The following SLCO3A1 variants were observed in gnomAD, a reference collection of about 807,000 sequenced individuals.
SLCO3A1 encodes solute carrier organic anion transporter family member 3A1.
SLCO3A1 carries 27 observed loss-of-function variants against 63.1 expected under a neutral mutation model. The ratio of observed to expected loss-of-function variants is 0.43; its 90% confidence interval spans 0.32 to 0.59. The LOEUF (loss-of-function observed/expected upper bound fraction) is 0.59. SLCO3A1 is among the 20% of genes least tolerant of loss of function. SLCO3A1 has a pLI of 0.09. For missense variants in SLCO3A1, 773 were observed against 945.8 expected, an observed-to-expected ratio of 0.82 and a Z score of 2.40; for synonymous variants, 473 against 409.9, an observed-to-expected ratio of 1.15 and a Z score of -1.86.
At chr15:92,167,469 T>C (rs1239370194), downstream of SLCO3A1, among the ~76,000 whole-genome samples, 1 of 152,192 alleles carries the variant, frequency 6.6e-6, no homozygotes, top group Non-Finnish European at 1.5e-5. Context: ...ATTTATCCAT[T>C]TTCTAACCTT....
intron 2 of SLCO3A1, among the ~76,000 whole-genome samples, chr15:91,971,692 T>G (rs1165609122): frequency 6.6e-6 from 1 of 152,112 alleles, no homozygotes; most frequent in Non-Finnish European, 1.5e-5. Flanking sequence ...AGATATACAT[T>G]AAATAAGGTT....
At chr15:91,996,405 T>A (rs549800863) in intron 2 of SLCO3A1, among the ~76,000 whole-genome samples, 3 of 150,332 alleles carry the variant, frequency 2.0e-5, no homozygotes, top group Non-Finnish European at 3.0e-5. Context: ...ATCATAAACA[T>A]TTTTTTTTGC....
At chr15:92,161,709 CAGA>C (rs2048438935) in intron 9 of SLCO3A1, 1 of 152,254 alleles carries the variant, frequency 6.6e-6, no homozygotes, top group South Asian at 2.1e-4. Context: ...AAGCCTCAAA[CAGA>C]AGAACACCAC....
chr15:91,867,029 A>G (rs34252225), intron 1 of SLCO3A1, among the ~76,000 whole-genome samples: 28,310 of 152,046 alleles, frequency 0.19, 3,119 homozygotes, highest in Non-Finnish European at 0.25. Flanking sequence ...TGTGATTGGA[A>G]ACCTGGGATG....
At chr15:91,907,902 C>G (rs1249895354) in intron 1 of SLCO3A1, among the ~76,000 whole-genome samples, 1 of 152,084 alleles carries the variant, frequency 6.6e-6, no homozygotes, top group African/African-American at 2.4e-5. Flanking sequence ...GATAGTGCCC[C>G]TATGAAAGAC....
chr15:92,051,081 T>C (rs1376778423), intron 2 of SLCO3A1, among the ~76,000 whole-genome samples: 2 of 152,228 alleles, frequency 1.3e-5, no homozygotes, highest in Non-Finnish European at 1.5e-5. Context: ...GTTTTCTCCA[T>C]AGTATTATTA....
chr15:92,017,757 C>T (rs2046455512), intron 2 of SLCO3A1, among the ~76,000 whole-genome samples: 1 of 152,028 alleles, frequency 6.6e-6, no homozygotes, highest in African/African-American at 2.4e-5. Context: ...GTGAAGCTAC[C>T]AGGGGCACAT....
At chr15:92,150,257 G>A (rs1405456448) in intron 8 of SLCO3A1, among the ~76,000 whole-genome samples, 2 of 152,178 alleles carry the variant, frequency 1.3e-5, no homozygotes, top group African/African-American at 4.8e-5. Flanking sequence ...TTCTAGCTGT[G>A]CTGGCAGCTA....
Position 92,165,055 on chromosome 15 carries a change from G to T in SLCO3A1, c.*1920G>T. 1.0e-6 allele frequency: 1 copy of T among 985,390 alleles called. No individual in the cohort carries two copies. Among genetic ancestry groups the T allele is most frequent in the Non-Finnish European group, 1.2e-6 (1 of 829,874 alleles). 61.0% of individuals were successfully genotyped at this position (985,390 alleles called of 1,614,324 possible). ...ATCAGGAAGTAAAAAATGGTTGGGA[G>T]TGGGACAGGTATGGTACCGAATTTT... On this transcript the variant is annotated 3_prime_UTR_variant, in exon 10 of 10. Transcript: ENST00000318445.
At chr15:91,952,275 G>C (rs2151412473) in intron 2 of SLCO3A1, among the ~76,000 whole-genome samples, 1 of 152,282 alleles carries the variant, frequency 6.6e-6, no homozygotes, top group African/African-American at 2.4e-5. Context: ...GGCCAGATCT[G>C]TCATTTGCAA....
Position 91,860,882 on chromosome 15 carries a change from C to T in SLCO3A1, c.180+6794C>T, listed in dbSNP as rs1202176753. ...CGCTTGGTCTTTTTTTTTGGTTTCTCATAAGCAGAACAATGGACCTGTTCC... is the reference window on the plus strand; with the variant it reads ...CGCTTGGTCTTTTTTTTTGGTTTCTTATAAGCAGAACAATGGACCTGTTCC... On this transcript the variant is annotated intron_variant, in intron 1 of 9. Transcript: ENST00000318445. This position sits in a 1 kb window ranked among gnomAD's most constrained non-coding sequence, Gnocchi z 5.5. 1.3e-5 allele frequency among the ~76,000 whole-genome samples: 2 copies of T among 152,068 alleles called. No individual in the cohort carries two copies. Among genetic ancestry groups the T allele is most frequent in the African/African-American group, 4.8e-5 (2 of 41,414 alleles).
chr15:91,874,554 G>C (rs1193160371), intron 1 of SLCO3A1, among the ~76,000 whole-genome samples: 1 of 152,222 alleles, frequency 6.6e-6, no homozygotes, highest in Admixed American at 6.5e-5. Context: ...GGTCATCCAA[G>C]TTGGGGGCTG....
intron 7 of SLCO3A1, 43 bp from the exon 8 acceptor site, chr15:92,146,941 C>CGGA: frequency 6.5e-7 from 1 of 1,545,248 alleles, no homozygotes; most frequent in Middle Eastern, 1.8e-4. Flanking sequence ...CTTTGGAAAC[C>CGGA]GGAAGTACCC....
chr15:92,032,697 C>T (rs146414021), intron 2 of SLCO3A1, among the ~76,000 whole-genome samples: 1 of 152,038 alleles, frequency 6.6e-6, no homozygotes, highest in Non-Finnish European at 1.5e-5. Context: ...GGTGCAGAGG[C>T]CCCCATCGAA....
rs891580871 is a variant in SLCO3A1 at position 91,948,402 on chromosome 15, C to T, written c.646+31944C>T. The stretch of plus-strand genomic sequence containing the variant: ...CATGTGTGGTGCCAGCCACAGCATC[C>T]TATTCCTGCAGATAAGCCTACAGGC... On this transcript the variant is annotated intron_variant, in intron 2 of 9. Transcript: ENST00000318445. This position sits in a 1 kb window ranked among gnomAD's most constrained non-coding sequence, Gnocchi z 4.8. Among the ~76,000 whole-genome samples the T allele has an allele frequency of 2.0e-5, 3 of 152,202 alleles. No homozygotes were observed. The highest frequency in any genetic ancestry group is 6.5e-5 in the Admixed American group (1 of 15,282).
rs536511058 is a variant in SLCO3A1 at position 91,866,654 on chromosome 15, C to T, written c.180+12566C>T. Among the ~76,000 whole-genome samples, 11 of 151,496 alleles carry T rather than the reference C, an allele frequency of 7.3e-5. No homozygotes were observed. In the East Asian group the frequency reaches 1.9e-3, roughly 27 times the overall value. The stretch of plus-strand genomic sequence containing the variant: ...TTAACTTCGACAACTTCCTTAAGTG[C>T]TGCGAGCAATATAGAGTTGAGTAAG... On this transcript the variant is annotated intron_variant, in intron 1 of 9. Transcript: ENST00000318445.
intron 2 of SLCO3A1, among the ~76,000 whole-genome samples, chr15:92,027,747 G>A (rs772997183): frequency 1.3e-5 from 2 of 152,174 alleles, no homozygotes; most frequent in Admixed American, 6.5e-5. Context: ...CCACATAAAC[G>A]AAGCAGTTTG....
chr15:92,144,915 A>G (rs1049660856), intron 7 of SLCO3A1, among the ~76,000 whole-genome samples: 1 of 152,200 alleles, frequency 6.6e-6, no homozygotes, highest in Admixed American at 6.5e-5. Context: ...AAATGCAGAG[A>G]TGGTAAAATG....
intron 9 of SLCO3A1, among the ~76,000 whole-genome samples, chr15:92,152,252 G>T (rs2048315537): frequency 6.6e-6 from 1 of 152,132 alleles, no homozygotes; most frequent in Non-Finnish European, 1.5e-5. Flanking sequence ...ATCCATTAAG[G>T]TCCTCCCTGG....
Sources: allele counts gnomAD v4.1 joint callset (sites outside exome capture counted in the v4.1 genomes callset), GRCh38; gene constraint gnomAD v4.1.1; non-coding constraint Gnocchi (gnomAD v3.1); transcripts MANE v1.5; gene names NCBI Gene and HGNC (gene_info 2026-07-23, HGNC 2026-07-21).